The following CFAP57 variants were observed in gnomAD, a reference collection of about 807,000 sequenced individuals.
CFAP57 encodes cilia- and flagella-associated protein 57.
In CFAP57, 116 loss-of-function variants were observed where a neutral mutation model predicts 146.8. That is an observed-to-expected ratio of 0.79 (90% CI 0.68 to 0.92). CFAP57 has a LOEUF of 0.92. Among genes scored for constraint, CFAP57 ranks in the 40% least tolerant of loss-of-function variants. The probability of loss-of-function intolerance (pLI) is 0.00; values close to 1 mark genes in which losing one functional copy is unlikely to be tolerated. For missense variants in CFAP57, 1,377 were observed against 1,527.2 expected, an observed-to-expected ratio of 0.90 and a Z score of 1.64; for synonymous variants, 518 against 552.8, an observed-to-expected ratio of 0.94 and a Z score of 0.88.
In CFAP57 at chr1:43,234,532, A is replaced by T; in HGVS notation, c.3299A>T (p.Glu1100Val). Residue 1100 changes from glutamate (E) to valine (V), a missense_variant, in exon 21 of 23, where the codon GAG becomes GTG. Physicochemically the swap from Glu to Val is moderately radical, Grantham distance 121. Coordinates refer to ENST00000372492, the MANE Select transcript of CFAP57 (RefSeq NM_001378189.1). ...IAGLNTDLQQ[E>V]YTRQREHLER... ...GGGCTGAACACAGACCTGCAGCAGG[A>T]GTACACCCGGCAGCGGGAGCACCTG... is the stretch of plus-strand genomic sequence containing the variant. 6.5e-7 allele frequency: 1 copy of T among 1,550,366 alleles called. No individual in the cohort carries two copies. The highest frequency in any genetic ancestry group is 8.7e-7 in the Non-Finnish European group (1 of 1,146,894).
chr1:43,234,654 C>G lies in CFAP57; in HGVS notation c.3405+16C>G, dbSNP rs1487904877. 1.3e-6 allele frequency: 2 copies of G among 1,536,898 alleles called. No homozygotes were observed. The highest frequency in any genetic ancestry group is 1.8e-6 in the Non-Finnish European group (2 of 1,138,288). On this transcript the variant is annotated intron_variant, in intron 21 of 22. Coordinates refer to ENST00000372492, the MANE Select transcript of CFAP57 (RefSeq NM_001378189.1). ...CATCATGCAGGTACCTGCATGCTCC[C>G]CTCAGCCCCTGTGGAGGCCAAGCCA... is the stretch of plus-strand genomic sequence containing the variant.
rs1644791110 is a variant in CFAP57, at chr1:43,215,292, C to T, written c.1967C>T (p.Ala656Val). The T allele has an allele frequency of 6.4e-7, 1 of 1,551,166 alleles. No individual in the cohort carries two copies. Among genetic ancestry groups the T allele is most frequent in the South Asian group, 1.2e-5 (1 of 84,058 alleles). ...LTFDDQFLLTAAEDGCLFTWK... is the reference protein window; with the variant it reads ...LTFDDQFLLTVAEDGCLFTWK... ...TTTGATGATCAGTTCCTGCTGACTG[C>T]TGCTGAGGATGGCTGCCTGTTCACC... Residue 656 changes from alanine (A) to valine (V), a missense_variant, in exon 12 of 23, where the codon GCT becomes GTT. Coordinates refer to ENST00000372492, the MANE Select transcript of CFAP57 (RefSeq NM_001378189.1).
At chr1:43,191,181 G>C (rs1643496308) in intron 6 of CFAP57, among the ~76,000 whole-genome samples, 1 of 152,136 alleles carries the variant, frequency 6.6e-6, no homozygotes. Flanking sequence ...TCTTGAGCCA[G>C]TTTCAGTTTT....
chr1:43,241,770 C>T (rs1645932633), intron 21 of CFAP57, among the ~76,000 whole-genome samples: 1 of 152,224 alleles, frequency 6.6e-6, no homozygotes, highest in Admixed American at 6.5e-5. Context: ...GTCAGAGGGG[C>T]ATCTAACAAG....
At chr1:43,236,885 G>A (rs138713469) in intron 21 of CFAP57, among the ~76,000 whole-genome samples, 1 of 148,356 alleles carries the variant, frequency 6.7e-6, no homozygotes. Flanking sequence ...CTCCAGCCTG[G>A]GCGACAGAGC....
At chr1:43,197,218 A>G (rs972636563) in intron 6 of CFAP57, among the ~76,000 whole-genome samples, 10 of 152,076 alleles carry the variant, frequency 6.6e-5, no homozygotes, top group South Asian at 4.2e-4. Context: ...TTAGCCGGGC[A>G]TGGTGGCAGG....
In CFAP57 at chr1:43,223,004, G is replaced by T. The variant is rs149329261; in HGVS notation, c.2706+7G>T. The T allele has an allele frequency of 4.1e-4, 637 of 1,546,162 alleles. 3 individuals are homozygous for T. The African/African-American group carries it at 7.6e-3, about 18-fold the overall frequency. ...AGGCATCATGAGGAAGAAGGTAGCA[G>T]GCTGTTCTCCAAGAGACCTAGGGTG... On this transcript the variant is annotated splice_region_variant and intron_variant, in intron 16 of 22. Coordinates refer to ENST00000372492, the MANE Select transcript of CFAP57 (RefSeq NM_001378189.1).
chr1:43,233,607 T>G (rs1009660968), intron 19 of CFAP57, among the ~76,000 whole-genome samples: 2 of 152,224 alleles, frequency 1.3e-5, no homozygotes, highest in Non-Finnish European at 2.9e-5. Context: ...TCCTGCCATT[T>G]CCATGCTGAA....
chr1:43,234,832 C>T (rs1387747749), intron 21 of CFAP57, among the ~76,000 whole-genome samples, 194 bp downstream of exon 21: 1 of 152,044 alleles, frequency 6.6e-6, no homozygotes, highest in Non-Finnish European at 1.5e-5. Context: ...GAGAGCTCAC[C>T]TAGGAGGTTT....
At position 43,222,178 on chromosome 1, in the gene CFAP57, G is replaced by T. The variant is rs1010525919; in HGVS notation, c.2415G>T (p.Met805Ile). The T allele has an allele frequency of 6.5e-7, 1 of 1,547,002 alleles. No individual in the cohort carries two copies. The highest frequency in any genetic ancestry group is 1.7e-4 in the Middle Eastern group (1 of 5,968). Residue 805 changes from methionine (M) to isoleucine (I), a missense_variant, in exon 15 of 23, where the codon ATG (methionine) becomes ATT (isoleucine). By Grantham distance (10) the Met-to-Ile change is conservative (BLOSUM62 1). Transcript: ENST00000372492. ...AGCTGCAGCTCAAGTCCCAGAGGATGCAGGAAGAGTATGAAAAACAGCTCC... is the reference window on the plus strand; with the variant it reads ...AGCTGCAGCTCAAGTCCCAGAGGATTCAGGAAGAGTATGAAAAACAGCTCC... ...YQELQLKSQR[M>I]QEEYEKQLRD...
chr1:43,185,335 C>T lies in CFAP57; in HGVS notation c.948C>T (p.Tyr316=). 1 of 1,613,866 alleles carries T rather than the reference C, an allele frequency of 6.2e-7. No homozygotes were observed. Among genetic ancestry groups the T allele is most frequent in the South Asian group, 1.1e-5 (1 of 91,064 alleles). The change falls in exon 5 of 23, where the codon TAC becomes TAT. Residue 316 remains tyrosine, a synonymous_variant. Transcript: ENST00000372492. ...LFEKMEEKDF[Y]RESREIRIPV... is the part of the protein sequence containing the mutation. The stretch of plus-strand genomic sequence containing the variant: ...AGAAGATGGAAGAAAAGGATTTTTA[C>T]CGTGAGAGCAGAGAAATCAGGGTAA...
At chr1:43,223,054 G>A (rs1435780831) in intron 16 of CFAP57, 57 bp downstream of exon 16, 3 of 1,500,098 alleles carry the variant, frequency 2.0e-6, no homozygotes, top group Admixed American at 2.1e-5. Flanking sequence ...AGAGAAAGCT[G>A]GGGTGGGTGG....
intron 22 of CFAP57, among the ~76,000 whole-genome samples, chr1:43,253,042 C>T (rs1456745942): frequency 6.6e-6 from 1 of 152,078 alleles, no homozygotes; most frequent in Admixed American, 6.5e-5. Flanking sequence ...AGAGTTTTTC[C>T]AGAATTGATG....
rs1193813490 is a variant in CFAP57, at chr1:43,172,375, G to A, written c.-98G>A. On this transcript the variant is annotated 5_prime_UTR_variant, in exon 1 of 23. The change creates a new upstream start codon in the 5' untranslated region. Transcript: ENST00000372492. ...ATAGGAACCGCTACGGCGTTTGAAA[G>A]TGTCCGGGTTGCTTAGGATCCCTAC... The A allele has an allele frequency of 6.4e-7, 1 of 1,551,628 alleles. No individual in the cohort carries two copies. The highest frequency in any genetic ancestry group is 1.2e-5 in the South Asian group (1 of 84,054).
In CFAP57 at chr1:43,185,337, G is replaced by A. The variant is rs116756665; in HGVS notation, c.950G>A (p.Arg317His). The change falls in exon 5 of 23, where the codon CGT becomes CAT. Residue 317 changes from arginine to histidine, a missense_variant. By Grantham distance (29) the Arg-to-His change is conservative. Transcript: ENST00000372492. ...AAGATGGAAGAAAAGGATTTTTACC[G>A]TGAGAGCAGAGAAATCAGGGTAAGG... Reference protein sequence around the residue: ...FEKMEEKDFYRESREIRIPVD... With the variant: ...FEKMEEKDFYHESREIRIPVD... The A allele has an allele frequency of 3.2e-4, 515 of 1,614,024 alleles. No individual in the cohort carries two copies. The highest frequency in any genetic ancestry group is 4.0e-4 in the Admixed American group (24 of 60,010).
intron 5 of CFAP57, 76 bp downstream of exon 5, chr1:43,185,432 A>G: frequency 7.2e-7 from 1 of 1,393,788 alleles, no homozygotes; most frequent in Non-Finnish European, 1.0e-6. Flanking sequence ...TTCTCTGAGA[A>G]GGCATCTGAT....
intron 21 of CFAP57, among the ~76,000 whole-genome samples, chr1:43,240,409 G>T (rs1645866892): frequency 1.3e-5 from 2 of 152,190 alleles, no homozygotes; most frequent in South Asian, 4.1e-4. Flanking sequence ...AGGGACACCT[G>T]CTCCACAGCT....
At chr1:43,187,574 T>C (rs952256363) in intron 6 of CFAP57, among the ~76,000 whole-genome samples, 2 of 151,214 alleles carry the variant, frequency 1.3e-5, no homozygotes, top group African/African-American at 4.9e-5. Context: ...CCATTTATCA[T>C]AGACAGCCTT....
chr1:43,208,810 GA>G (rs35475438), intron 10 of CFAP57, among the ~76,000 whole-genome samples: 115,371 of 150,956 alleles, frequency 0.76, 45,322 homozygotes, highest in Middle Eastern at 0.9. Flanking sequence ...AATAATAAAA[GA>G]AAAAAAAAAT....
Sources: gnomAD v4.1 joint callset for allele counts (sites outside exome capture counted in the v4.1 genomes callset) on GRCh38, gnomAD v4.1.1 for gene constraint, MANE v1.5 for transcripts, NCBI Gene and HGNC (gene_info 2026-07-23, HGNC 2026-07-21) for gene names.